CYP2J2: variants seen among roughly 807,000 people sequenced by gnomAD.
The protein encoded by CYP2J2 is cytochrome P450 2J2.
Under a neutral mutation model 48.8 loss-of-function variants are expected in CYP2J2, and 41 were observed. The observed-to-expected ratio is 0.84, with a 90% CI of 0.66 to 1.09. The LOEUF is 1.09. CYP2J2 is among the 50% of genes least tolerant of loss of function. The pLI is 0.00. For synonymous variants in CYP2J2, 221 were observed against 227.1 expected (o/e 0.97, Z 0.24); for missense variants, 644 against 617.3 (o/e 1.04, Z -0.46).
chr1:59,947,463 G>T, the CYP2J2 span, among the ~76,000 whole-genome samples: 1 of 152,146 alleles, frequency 6.6e-6, no homozygotes, highest in Admixed American at 6.5e-5. Flanking sequence ...GAAATCTGAC[G>T]TTCTCAGCTG....
At chr1:59,901,260 G>C (rs1358826093) in intron 7 of CYP2J2, among the ~76,000 whole-genome samples, 157 bp from the exon 8 acceptor site, 1 of 152,152 alleles carries the variant, frequency 6.6e-6, no homozygotes. Flanking sequence ...CCCCAACCCA[G>C]GACCCTTCTC....
chr1:59,921,876 T>C (rs1221802321), intron 1 of CYP2J2, among the ~76,000 whole-genome samples: 6 of 152,180 alleles, frequency 3.9e-5, no homozygotes, highest in African/African-American at 1.4e-4. Flanking sequence ...CACTATATTG[T>C]AAATTCTTAT....
intron 7 of CYP2J2, among the ~76,000 whole-genome samples, chr1:59,902,723 C>T (rs1318850446): frequency 6.6e-6 from 1 of 152,142 alleles, no homozygotes; most frequent in Non-Finnish European, 1.5e-5. Context: ...CCAATAATTG[C>T]TATTTTAAGC....
intron 8 of CYP2J2, among the ~76,000 whole-genome samples, chr1:59,899,370 A>C (rs376114193): frequency 1.5e-3 from 223 of 152,324 alleles, no homozygotes; most frequent in African/African-American, 5.0e-3. Context: ...AGAAAGACAA[A>C]GACAGCATCG....
the CYP2J2 span, among the ~76,000 whole-genome samples, chr1:59,943,330 GAA>G: frequency 9.2e-5 from 14 of 152,158 alleles, no homozygotes; most frequent in Non-Finnish European, 1.3e-4. Context: ...GCCGAATGGA[GAA>G]AGAGAGAGGA....
chr1:59,932,557 T>C, the CYP2J2 span, among the ~76,000 whole-genome samples: 45 of 152,088 alleles, frequency 3.0e-4, no homozygotes, highest in African/African-American at 1.1e-3. Flanking sequence ...TTTTTACTAG[T>C]AGACATGCTT....
intron 6 of CYP2J2, 55 bp downstream of exon 6, chr1:59,907,731 C>T: frequency 3.8e-6 from 6 of 1,591,488 alleles, no homozygotes; most frequent in Non-Finnish European, 5.2e-6. Flanking sequence ...TCAGGCAGCA[C>T]ATCCCAGGAG....
the CYP2J2 span, among the ~76,000 whole-genome samples, chr1:59,963,318 C>A: frequency 2.6e-5 from 4 of 152,194 alleles, no homozygotes; most frequent in African/African-American, 9.6e-5. Flanking sequence ...ATCACCCCAA[C>A]AGAAACTCTG....
chr1:59,893,506 G>C lies in CYP2J2; in HGVS notation c.*145C>G. The C allele has an allele frequency of 1.8e-6, 1 of 566,940 alleles. No homozygotes were observed. The highest frequency in any genetic ancestry group is 3.0e-6 in the Non-Finnish European group (1 of 335,398). The allele number at this position is 566,940 out of a possible 1,614,324, so 35.1% of individuals were successfully genotyped here. A position where few individuals can be genotyped will look rare whatever the true frequency, so the allele number is the denominator to read the frequency against. On this transcript the variant is annotated 3_prime_UTR_variant, in exon 9 of 9. Transcript: ENST00000371204. Reference sequence around the variant, plus strand: ...GACGAGACAGTAGAGCTGGGATTTGGATCTAGTTTTCTCTGAGTCAAATTC... The same window carrying C: ...GACGAGACAGTAGAGCTGGGATTTGCATCTAGTTTTCTCTGAGTCAAATTC...
chr1:59,906,466 C>G (rs997788005), intron 6 of CYP2J2, among the ~76,000 whole-genome samples: 2 of 151,132 alleles, frequency 1.3e-5, no homozygotes, highest in Non-Finnish European at 2.9e-5. Flanking sequence ...TTTTTTTTAC[C>G]TGAAAGCGAA....
rs758254609 is a variant in CYP2J2, at chr1:59,912,320, A to G, written c.374-9T>C. ...ACTTGACATAATCAATCCTGGGAAAAAGAAAGTCAACATTACAGTATTCTG... is the reference window on the plus strand; with the variant it reads ...ACTTGACATAATCAATCCTGGGAAAGAGAAAGTCAACATTACAGTATTCTG... On this transcript the variant is annotated splice_polypyrimidine_tract_variant and intron_variant, in intron 2 of 8. Transcript: ENST00000371204. 6.2e-7 allele frequency: 1 copy of G among 1,609,612 alleles called. No individual in the cohort carries two copies. Among genetic ancestry groups the G allele is most frequent in the South Asian group, 1.1e-5 (1 of 90,068 alleles).
At chr1:59,934,449 C>T in the CYP2J2 span, among the ~76,000 whole-genome samples, 2 of 152,042 alleles carry the variant, frequency 1.3e-5, no homozygotes, top group African/African-American at 2.4e-5. Context: ...ACATGCAAAT[C>T]GTGTATCTGA....
rs1191622085 is a variant in CYP2J2, at chr1:59,893,566, C to T, written c.*85G>A. 1 of 1,012,902 alleles carries T rather than the reference C, an allele frequency of 9.9e-7. No individual in the cohort carries two copies. The highest frequency in any genetic ancestry group is 1.4e-6 in the Non-Finnish European group (1 of 716,340). 62.7% of individuals were successfully genotyped at this position (1,012,902 alleles called of 1,614,324 possible). On this transcript the variant is annotated 3_prime_UTR_variant, in exon 9 of 9. Transcript: ENST00000371204. ...TTCTTGAAAGTCACTTTCATTTTGT[C>T]CCAACACATCTGAGCAGACACCAGT...
the CYP2J2 span, among the ~76,000 whole-genome samples, chr1:59,934,795 T>G: frequency 6.6e-6 from 1 of 151,172 alleles, no homozygotes; most frequent in East Asian, 1.9e-4. Flanking sequence ...AAATATGGAG[T>G]TTCTTTTAAA....
intron 8 of CYP2J2, among the ~76,000 whole-genome samples, chr1:59,897,074 C>T (rs1235141867): frequency 3.9e-5 from 6 of 152,210 alleles, no homozygotes; most frequent in Non-Finnish European, 8.8e-5. Context: ...TAAAGGCAAA[C>T]ATGCTTCATG....
chr1:59,948,418 A>G, the CYP2J2 span, among the ~76,000 whole-genome samples: 1 of 152,178 alleles, frequency 6.6e-6, no homozygotes, highest in African/African-American at 2.4e-5. Context: ...GCATGCACCA[A>G]CAACATAAAC....
At chr1:59,932,258 C>T in the CYP2J2 span, among the ~76,000 whole-genome samples, 4 of 152,052 alleles carry the variant, frequency 2.6e-5, no homozygotes, top group African/African-American at 9.7e-5. Context: ...ATTACTTTTA[C>T]TATCAACCTT....
At chr1:59,938,129 G>A in the CYP2J2 span, among the ~76,000 whole-genome samples, 1 of 152,118 alleles carries the variant, frequency 6.6e-6, no homozygotes, top group African/African-American at 2.4e-5. Flanking sequence ...CTTCATATTT[G>A]TGGATGGTTA....
chr1:59,963,046 C>T, the CYP2J2 span, among the ~76,000 whole-genome samples: 1 of 152,090 alleles, frequency 6.6e-6, no homozygotes, highest in Admixed American at 6.6e-5. Flanking sequence ...TTCACCAGAA[C>T]ATTTTGTTTT....
Sources: allele counts gnomAD v4.1 joint callset (sites outside exome capture counted in the v4.1 genomes callset), GRCh38; gene constraint gnomAD v4.1.1; transcripts MANE v1.5; gene names NCBI Gene and HGNC (gene_info 2026-07-23, HGNC 2026-07-21).